RUNX3: variants seen among roughly 807,000 people sequenced by gnomAD.
RUNX3 encodes the protein runt-related transcription factor 3.
A neutral mutation model predicts 27.7 loss-of-function variants in RUNX3; 10 were observed. The ratio of observed to expected loss-of-function variants is 0.36; its 90% CI spans 0.22 to 0.61. The LOEUF (loss-of-function observed/expected upper bound fraction) is 0.61. Among genes scored for constraint, RUNX3 ranks in the 20% least tolerant of loss-of-function variants. The pLI, the probability that RUNX3 is intolerant of heterozygous loss-of-function variation, is 0.72. For synonymous variants in RUNX3, 270 were observed against 269.2 expected (o/e 1.00, Z -0.03); for missense variants, 469 against 629.5 (o/e 0.75, Z 2.73).
Position 24,901,905 on chromosome 1 carries a change from T to C in RUNX3, c.*217A>G, listed in dbSNP as rs1640559858. 3 of 523,536 alleles carry C rather than the reference T, an allele frequency of 5.7e-6. No individual in the cohort carries two copies. Among genetic ancestry groups the C allele is most frequent in the Non-Finnish European group, 6.7e-6 (2 of 297,052 alleles). The allele number at this position is 523,536 out of a possible 1,614,324, so 32.4% of individuals were successfully genotyped here. A position where few individuals can be genotyped will look rare whatever the true frequency, so the allele number is the denominator to read the frequency against. On this transcript the variant is annotated 3_prime_UTR_variant, in exon 5 of 5. Coordinates refer to ENST00000308873, the MANE Select transcript of RUNX3 (RefSeq NM_004350.3). ...CGGCCAGGATCTGGGCCGGGGGCAG[T>C]ATCCCGGGCCGGGGTGGGGGTGGTA... is the stretch of plus-strand genomic sequence containing the variant.
chr1:24,921,763 A>T (rs956476553), intron 2 of RUNX3, among the ~76,000 whole-genome samples: 7 of 151,952 alleles, frequency 4.6e-5, no homozygotes, highest in Non-Finnish European at 1.0e-4. Flanking sequence ...TATGACGGGG[A>T]GTTTAGGCAG....
intron 3 of RUNX3, among the ~76,000 whole-genome samples, chr1:24,918,898 G>T (rs1381079567): frequency 2.0e-5 from 3 of 152,150 alleles, no homozygotes; most frequent in Non-Finnish European, 4.4e-5. Flanking sequence ...AGAAGCTGGG[G>T]GCAGAGTAAA....
At position 24,902,902 on chromosome 1, in the gene RUNX3, C is replaced by A. The variant is rs907594432; in HGVS notation, c.704-236G>T. Among the ~76,000 whole-genome samples, 9 of 152,180 alleles carry A rather than the reference C, an allele frequency of 5.9e-5. No homozygotes were observed. Among genetic ancestry groups the A allele is most frequent in the African/African-American group, 2.2e-4 (9 of 41,452 alleles). On this transcript the variant is annotated intron_variant, in intron 4 of 4. Coordinates refer to ENST00000308873, the MANE Select transcript of RUNX3 (RefSeq NM_004350.3). The surrounding 1 kb of genome is among the most constrained non-coding windows in gnomAD (Gnocchi z 9.2). ...CGGGCCAAGAGGGGCCATGGGAGCC[C>A]CCCCACAGCAGCAACAGAACAGAGG... is the stretch of plus-strand genomic sequence containing the variant.
At chr1:24,933,434 C>T (rs1485798273), upstream of RUNX3, among the ~76,000 whole-genome samples, 1 of 152,228 alleles carries the variant, frequency 6.6e-6, no homozygotes, top group Non-Finnish European at 1.5e-5. Flanking sequence ...CCTCTCAATC[C>T]TTGCTGGGGG....
rs1433461866 is a variant in RUNX3, at chr1:24,901,826, G to T, written c.*296C>A. On this transcript the variant is annotated 3_prime_UTR_variant, in exon 5 of 5. Transcript: ENST00000308873. ...ACTGGGCATAGCTGGAGACAGTGAG[G>T]TCCTTCCGGGGGGGTGGCAGGAGGC... 2.4e-6 allele frequency: 1 copy of T among 424,044 alleles called. No homozygotes were observed. The highest frequency in any genetic ancestry group is 4.3e-6 in the Non-Finnish European group (1 of 234,776). The allele number at this position is 424,044 out of a possible 1,614,324, so 26.3% of individuals were successfully genotyped here.
chr1:24,930,302 T>G, upstream of RUNX3: 3 of 913,338 alleles, frequency 3.3e-6, no homozygotes, highest in Non-Finnish European at 3.9e-6. This position sits in a 1 kb window ranked among gnomAD's most constrained non-coding sequence, Gnocchi z 4.1. Context: ...CGCGCGGGGT[T>G]AGTACCCCCG....
chr1:24,904,260 G>A lies in RUNX3; in HGVS notation c.704-1594C>T, dbSNP rs1640619783. On this transcript the variant is annotated intron_variant, in intron 4 of 4. Coordinates refer to ENST00000308873, the MANE Select transcript of RUNX3 (RefSeq NM_004350.3). The surrounding 1 kb of genome is among the most constrained non-coding windows in gnomAD (Gnocchi z 5.7). The stretch of plus-strand genomic sequence containing the variant: ...ACGGAGAGCTATGAGCCTGAGGTGT[G>A]TGTGACTTCGGCTGGGACTTGGAAC... Among the ~76,000 whole-genome samples, 1 of 152,248 alleles carries A rather than the reference G, an allele frequency of 6.6e-6. No homozygotes were observed. Among genetic ancestry groups the A allele is most frequent in the Admixed American group, 6.5e-5 (1 of 15,294 alleles).
chr1:24,914,970 T>C (rs924673878), intron 3 of RUNX3, among the ~76,000 whole-genome samples: 9 of 152,216 alleles, frequency 5.9e-5, no homozygotes, highest in African/African-American at 2.2e-4. Context: ...TTTGTTTTTC[T>C]TCATAGGACT....
chr1:24,901,237 G>C lies in RUNX3; in HGVS notation c.*885C>G, dbSNP rs993472492. ...TCCCTCACCTCAATGCCTTCTGCTA[G>C]GACCTATCTATCTGGCCCTCCTGTT... On this transcript the variant is annotated 3_prime_UTR_variant, in exon 5 of 5. Transcript: ENST00000308873. The C allele has an allele frequency of 1.3e-5, 2 of 152,034 alleles. No homozygotes were observed. Among genetic ancestry groups the C allele is most frequent in the Non-Finnish European group, 2.9e-5 (2 of 67,948 alleles). 9.4% of individuals were successfully genotyped at this position (152,034 alleles called of 1,614,324 possible). A position where few individuals can be genotyped will look rare whatever the true frequency, so the allele number is the denominator to read the frequency against.
At chr1:24,940,894 ATTC>A (rs1391134622) in intron 2 of RUNX3, among the ~76,000 whole-genome samples, 2 of 152,156 alleles carry the variant, frequency 1.3e-5, no homozygotes, top group African/African-American at 2.4e-5. Flanking sequence ...TGTCTGCTTT[ATTC>A]TTCTTCTTTA....
rs1642157746 is a variant in RUNX3, at chr1:24,962,956, T to G, written c.58+1558A>C. On this transcript the variant is annotated intron_variant, in intron 2 of 6. Coordinates refer to the RUNX3 transcript ENST00000338888. This position sits in a 1 kb window ranked among gnomAD's most constrained non-coding sequence, Gnocchi z 4.5. ...GACCCGGCAAATGGATTTTATAAAC[T>G]CTTATTTTCTTGCCACAGAACTGCC... The G allele has an allele frequency of 6.6e-6, 1 of 152,200 alleles. No individual in the cohort carries two copies. Among genetic ancestry groups the G allele is most frequent in the Non-Finnish European group, 1.5e-5 (1 of 68,042 alleles). 9.4% of individuals were successfully genotyped at this position (152,200 alleles called of 1,614,324 possible).
At chr1:24,919,399 C>T in intron 2 of RUNX3, 55 bp from the exon 3 acceptor site, 1 of 1,148,486 alleles carries the variant, frequency 8.7e-7, no homozygotes. Context: ...TTCCACAATA[C>T]CCTGCTCTCC....
rs563310707 is a variant in RUNX3 at position 24,927,951 on chromosome 1, C to G, written c.283-221G>C. Among the ~76,000 whole-genome samples the G allele has an allele frequency of 6.6e-6, 1 of 152,320 alleles. No individual in the cohort carries two copies. Among genetic ancestry groups the G allele is most frequent in the Non-Finnish European group, 1.5e-5 (1 of 68,024 alleles). On this transcript the variant is annotated intron_variant, in intron 1 of 4. Transcript: ENST00000308873. This position sits in a 1 kb window ranked among gnomAD's most constrained non-coding sequence, Gnocchi z 5.0. The stretch of plus-strand genomic sequence containing the variant: ...AATCTCGAGCTTCCACACCAAAATC[C>G]TAGATCAACTGCTTACATAAACTGT...
upstream of RUNX3, among the ~76,000 whole-genome samples, chr1:24,933,815 C>G (rs1331968184): frequency 6.6e-6 from 1 of 152,210 alleles, no homozygotes; most frequent in Non-Finnish European, 1.5e-5. Context: ...CCCAGGAGGC[C>G]TCTGTTCCCC....
intron 3 of RUNX3, among the ~76,000 whole-genome samples, chr1:24,910,214 G>C (rs931365013): frequency 6.6e-6 from 1 of 150,400 alleles, no homozygotes; most frequent in Admixed American, 6.7e-5. Context: ...GCTTGAACCC[G>C]GGAGGCGGAG....
intron 2 of RUNX3, among the ~76,000 whole-genome samples, chr1:24,936,194 C>T (rs544234666): frequency 8.5e-5 from 13 of 152,248 alleles, no homozygotes; most frequent in Non-Finnish European, 1.5e-4. Flanking sequence ...AGAGAAAGGG[C>T]TCTTCTGAGT....
intron 2 of RUNX3, among the ~76,000 whole-genome samples, chr1:24,925,922 G>C (rs1208045356): frequency 1.3e-5 from 2 of 152,118 alleles, no homozygotes; most frequent in Non-Finnish European, 2.9e-5. Flanking sequence ...CTCAAGGTCT[G>C]TGGGCATGAA....
At chr1:24,914,363 G>T (rs1346006820) in intron 3 of RUNX3, among the ~76,000 whole-genome samples, 1 of 152,258 alleles carries the variant, frequency 6.6e-6, no homozygotes, top group Non-Finnish European at 1.5e-5. Flanking sequence ...CCCAGCAGCA[G>T]GGTGGGGCGC....
At chr1:24,964,665 G>T in exon 2 of RUNX3, 1 of 1,517,408 alleles carries the variant, frequency 6.6e-7, no homozygotes, top group Non-Finnish European at 8.9e-7. Flanking sequence ...TTTTCCTCTA[G>T]CTACTTTTGA....
Sources: allele counts gnomAD v4.1 joint callset (sites outside exome capture counted in the v4.1 genomes callset), GRCh38; gene constraint gnomAD v4.1.1; non-coding constraint Gnocchi (gnomAD v3.1); transcripts MANE v1.5; gene names NCBI Gene and HGNC (gene_info 2026-07-23, HGNC 2026-07-21).